SLC41A2: variants seen among roughly 807,000 people sequenced by gnomAD.
SLC41A2 encodes the protein solute carrier family 41 member 2.
In SLC41A2, 32 loss-of-function variants were observed where a neutral mutation model predicts 58.3. The observed-to-expected ratio is 0.55, with a 90% CI of 0.41 to 0.74. The LOEUF (loss-of-function observed/expected upper bound fraction) is 0.74. Ranked by LOEUF, SLC41A2 falls within the 30% of genes least tolerant of loss-of-function variation. The pLI, the probability that SLC41A2 is intolerant of heterozygous loss-of-function variation, is 0.00. For synonymous variants in SLC41A2, 190 were observed against 235.0 expected (o/e 0.81, Z 1.75); for missense variants, 514 against 680.6 (o/e 0.76, Z 2.72).
At chr12:104,843,371 C>T (rs958323659) in intron 10 of SLC41A2, among the ~76,000 whole-genome samples, 27 of 151,954 alleles carry the variant, frequency 1.8e-4, no homozygotes, top group African/African-American at 6.5e-4. Context: ...AAATCTAAGG[C>T]ACTATAAAGC....
At chr12:104,868,592 G>A (rs2043594255) in intron 6 of SLC41A2, among the ~76,000 whole-genome samples, 1 of 152,106 alleles carries the variant, frequency 6.6e-6, no homozygotes, top group Non-Finnish European at 1.5e-5. Context: ...ACTCCTTCAT[G>A]TACACCCAAC....
intron 10 of SLC41A2, among the ~76,000 whole-genome samples, chr12:104,818,058 A>C (rs978958525): frequency 2.0e-5 from 3 of 152,236 alleles, no homozygotes; most frequent in Non-Finnish European, 2.9e-5. Flanking sequence ...CTCCACAATG[A>C]ATACATATAT....
rs570568930 is a variant in SLC41A2, at chr12:104,877,881, T to TA, written c.1027+8411dup. ...CGGGCATGGTAGCGTGTGCTTGTAGTAGCTGTAGTCCCAGCTACTCAGGAG... is the reference window on the plus strand; with the variant it reads ...CGGGCATGGTAGCGTGTGCTTGTAGTAAGCTGTAGTCCCAGCTACTCAGGAG... On this transcript the variant is annotated intron_variant, in intron 6 of 10. Coordinates refer to ENST00000258538, the MANE Select transcript of SLC41A2 (RefSeq NM_001352171.3). Among the ~76,000 whole-genome samples the TA allele has an allele frequency of 1.3e-3, 196 of 152,058 alleles. 2 individuals are homozygous for TA. The highest frequency in any genetic ancestry group is 0.013 in the East Asian group (65 of 5,172).
At chr12:104,905,951 A>G (rs555381861) in intron 3 of SLC41A2, among the ~76,000 whole-genome samples, 1 of 152,338 alleles carries the variant, frequency 6.6e-6, no homozygotes, top group Admixed American at 6.5e-5. Context: ...CAGCCCAGAA[A>G]GGGGCTCCCA....
intron 10 of SLC41A2, among the ~76,000 whole-genome samples, chr12:104,827,399 C>G (rs7358560): frequency 6.6e-6 from 1 of 152,150 alleles, no homozygotes; most frequent in South Asian, 2.1e-4. Context: ...CCAGGCAAGC[C>G]TACAAACCCT....
chr12:104,946,427 C>T (rs2047720783), intron 1 of SLC41A2, among the ~76,000 whole-genome samples: 1 of 151,850 alleles, frequency 6.6e-6, no homozygotes, highest in South Asian at 2.1e-4. Flanking sequence ...TGCATGCCAC[C>T]ATACCAAACT....
At chr12:104,922,235 G>C (rs186499250) in intron 2 of SLC41A2, among the ~76,000 whole-genome samples, 51 of 152,144 alleles carry the variant, frequency 3.4e-4, no homozygotes, top group African/African-American at 9.6e-4. Context: ...TGGCTACATG[G>C]GTAAAGAAAC....
intron 3 of SLC41A2, among the ~76,000 whole-genome samples, chr12:104,900,636 C>T (rs1015052981): frequency 2.6e-5 from 4 of 152,136 alleles, no homozygotes; most frequent in Non-Finnish European, 5.9e-5. Context: ...TGGCTAGGGA[C>T]TGATGTTTAT....
At chr12:104,828,942 C>A (rs753842831) in intron 10 of SLC41A2, among the ~76,000 whole-genome samples, 3 of 151,980 alleles carry the variant, frequency 2.0e-5, no homozygotes, top group Non-Finnish European at 4.4e-5. Flanking sequence ...ATTATGATCA[C>A]CATGATACTA....
intron 3 of SLC41A2, among the ~76,000 whole-genome samples, chr12:104,900,615 C>T (rs1471788384): frequency 1.3e-5 from 2 of 152,168 alleles, no homozygotes; most frequent in Admixed American, 6.5e-5. Flanking sequence ...TAGTTCTACT[C>T]CACAAAGCTA....
rs545375868 is a variant in SLC41A2 at position 104,860,033 on chromosome 12, G to A, written c.1255+1258C>T. ...ACTGGGATTACAGGGATGAGCCACC[G>A]TGCCCAACTGACATATTTTCTTTTT... On this transcript the variant is annotated intron_variant, in intron 8 of 10. Transcript: ENST00000258538. 1.8e-4 allele frequency among the ~76,000 whole-genome samples: 28 copies of A among 152,204 alleles called. No homozygotes were observed. In the East Asian group the frequency reaches 2.5e-3, roughly 14 times the overall value.
intron 1 of SLC41A2, among the ~76,000 whole-genome samples, chr12:104,942,542 C>T (rs555214874): frequency 6.6e-6 from 1 of 151,888 alleles, no homozygotes; most frequent in African/African-American, 2.4e-5. Flanking sequence ...AACTTTACCT[C>T]CTCATCACTC....
intron 10 of SLC41A2, among the ~76,000 whole-genome samples, chr12:104,838,963 A>C (rs966685793): frequency 1.3e-5 from 2 of 152,240 alleles, no homozygotes; most frequent in African/African-American, 4.8e-5. Context: ...ATTTGTTGCC[A>C]TTCTACCCTT....
At chr12:104,861,627 C>T (rs2043215524) in intron 7 of SLC41A2, among the ~76,000 whole-genome samples, 1 of 152,116 alleles carries the variant, frequency 6.6e-6, no homozygotes, top group African/African-American at 2.4e-5. Flanking sequence ...AAAGCATACG[C>T]TTTAAATGCA....
In SLC41A2 at chr12:104,886,337, A is replaced by G. The variant is rs1393166310; in HGVS notation, c.983T>C (p.Leu328Pro). ...CTGACTTATCCAAGCCAATATGGCA[A>G]GAGTTATAAGGTCGCCAAAACTAGC... ...IAASFGDLITLAILAWISQGL... is the reference protein window; with the variant it reads ...IAASFGDLITPAILAWISQGL... The change falls in exon 6 of 11, where the codon CTT becomes CCT. Residue 328 changes from leucine to proline, a missense_variant. This residue lies in a region of SLC41A2 where 336 missense variants were observed against 430.0 expected (regional missense o/e 0.78). Coordinates refer to ENST00000258538, the MANE Select transcript of SLC41A2 (RefSeq NM_001352171.3). 1.2e-5 allele frequency: 19 copies of G among 1,613,722 alleles called. No individual in the cohort carries two copies. The highest frequency in any genetic ancestry group is 1.6e-5 in the Non-Finnish European group (19 of 1,179,688).
At chr12:104,861,445 A>AC (rs2043209004) in intron 7 of SLC41A2, 75 bp from the exon 8 acceptor site, 1 of 772,124 alleles carries the variant, frequency 1.3e-6, no homozygotes, top group Non-Finnish European at 2.0e-6. Context: ...ACATACAGAC[A>AC]CCCCTCCTTT....
At chr12:104,889,758 A>G (rs115664979) in intron 4 of SLC41A2, among the ~76,000 whole-genome samples, 2,012 of 152,270 alleles carry the variant, frequency 0.013, 40 homozygotes, top group African/African-American at 0.045. Context: ...ATTTGAAAAT[A>G]ACCTCACAAA....
At chr12:104,880,646 T>G (rs944013280) in intron 6 of SLC41A2, among the ~76,000 whole-genome samples, 10 of 152,238 alleles carry the variant, frequency 6.6e-5, no homozygotes, top group African/African-American at 2.4e-4. Context: ...TGAACCAGCC[T>G]TGCATCTCAG....
intron 2 of SLC41A2, among the ~76,000 whole-genome samples, chr12:104,924,460 AGCAGCCTG>A (rs1410246288): frequency 6.6e-6 from 1 of 152,246 alleles, no homozygotes. Flanking sequence ...AAAGTCTGGA[AGCAGCCTG>A]GTGTGGTGGC....
Sources: allele counts gnomAD v4.1 joint callset (sites outside exome capture counted in the v4.1 genomes callset), GRCh38; gene constraint gnomAD v4.1.1; regional missense constraint gnomAD v4.1.1; transcripts MANE v1.5; gene names NCBI Gene and HGNC (gene_info 2026-07-23, HGNC 2026-07-21).